Variants in GMDS observed in about 807,000 individuals in gnomAD.
The protein encoded by GMDS is GDP-mannose 4,6 dehydratase.
A neutral mutation model predicts 49.9 loss-of-function variants in GMDS; 20 were observed. The ratio of observed to expected loss-of-function variants is 0.40; its 90% CI spans 0.28 to 0.58. The LOEUF is 0.58. GMDS is among the 20% of genes least tolerant of loss of function. The pLI is 0.42. For synonymous variants in GMDS, 177 were observed against 178.6 expected (o/e 0.99, Z 0.07); for missense variants, 362 against 481.4 (o/e 0.75, Z 2.32).
chr6:1,862,604 A>C (rs926299372), intron 7 of GMDS, among the ~76,000 whole-genome samples: 1 of 152,376 alleles, frequency 6.6e-6, no homozygotes, highest in East Asian at 1.9e-4. Flanking sequence ...AACTTGCTGG[A>C]GCTTGTACTG....
At chr6:2,224,169 T>C (rs1780720063) in intron 1 of GMDS, among the ~76,000 whole-genome samples, 1 of 152,144 alleles carries the variant, frequency 6.6e-6, no homozygotes, top group South Asian at 2.1e-4. Context: ...TATAATGAGT[T>C]GAACAGTCCT....
chr6:2,236,317 G>A (rs558371563), intron 1 of GMDS, among the ~76,000 whole-genome samples: 1 of 152,328 alleles, frequency 6.6e-6, no homozygotes, highest in South Asian at 2.1e-4. Context: ...GCTGACCCAG[G>A]AGTGCTGTGT....
At chr6:1,653,272 T>C (rs138518829) in intron 9 of GMDS, among the ~76,000 whole-genome samples, 127 of 152,334 alleles carry the variant, frequency 8.3e-4, no homozygotes, top group African/African-American at 2.9e-3. Context: ...TCACTTATAA[T>C]AGGCCTTCAA....
At chr6:2,110,608 G>A (rs1774493608) in intron 4 of GMDS, among the ~76,000 whole-genome samples, 1 of 152,014 alleles carries the variant, frequency 6.6e-6, no homozygotes, top group Non-Finnish European at 1.5e-5. Context: ...CAACCCCCTG[G>A]GGCTTCCACA....
At chr6:1,923,927 G>A (rs959929527) in intron 7 of GMDS, among the ~76,000 whole-genome samples, 5 of 152,180 alleles carry the variant, frequency 3.3e-5, no homozygotes, top group Non-Finnish European at 7.3e-5. Flanking sequence ...CCTTCCAGAG[G>A]CTCCTCACCT....
intron 9 of GMDS, among the ~76,000 whole-genome samples, chr6:1,657,312 C>T (rs895077659): frequency 1.3e-5 from 2 of 152,170 alleles, no homozygotes; most frequent in Admixed American, 6.5e-5. Flanking sequence ...GCAAGGTGGA[C>T]AGCACCCATC....
intron 7 of GMDS, among the ~76,000 whole-genome samples, chr6:1,926,329 A>G (rs2113916537): frequency 6.6e-6 from 1 of 152,286 alleles, no homozygotes; most frequent in Non-Finnish European, 1.5e-5. Flanking sequence ...TCAGCTGTAA[A>G]CATTCACCCC....
At chr6:2,079,960 A>T (rs944620636) in intron 4 of GMDS, among the ~76,000 whole-genome samples, 2 of 152,116 alleles carry the variant, frequency 1.3e-5, no homozygotes, top group African/African-American at 4.8e-5. Context: ...TGGTGGCTTT[A>T]TAGTATCCCA....
intron 6 of GMDS, among the ~76,000 whole-genome samples, chr6:1,933,544 T>C (rs937664133): frequency 5.3e-5 from 8 of 152,226 alleles, no homozygotes; most frequent in Non-Finnish European, 1.0e-4. Flanking sequence ...TATGGTCTGT[T>C]AAACTGTAGT....
At chr6:2,208,751 A>G (rs1293742809) in intron 1 of GMDS, among the ~76,000 whole-genome samples, 2 of 152,212 alleles carry the variant, frequency 1.3e-5, no homozygotes, top group African/African-American at 4.8e-5. Context: ...TTGAGAAGCC[A>G]TAATTTTAGA....
At chr6:2,090,575 T>G (rs1413068874) in intron 4 of GMDS, among the ~76,000 whole-genome samples, 1 of 152,304 alleles carries the variant, frequency 6.6e-6, no homozygotes, top group Middle Eastern at 3.4e-3. Context: ...TAAAACGACC[T>G]GTTTAAAATT....
At chr6:2,125,049 C>T (rs1016210345) in intron 1 of GMDS, among the ~76,000 whole-genome samples, 1 of 152,162 alleles carries the variant, frequency 6.6e-6, no homozygotes, top group Non-Finnish European at 1.5e-5. Context: ...TGCCACTTAC[C>T]AGTTGTGTGA....
rs1242908971 is a variant in GMDS, at chr6:1,836,219, C to T, written c.772-93633G>A. 6.6e-6 allele frequency among the ~76,000 whole-genome samples: 1 copy of T among 152,090 alleles called. No individual in the cohort carries two copies. Among genetic ancestry groups the T allele is most frequent in the African/African-American group, 2.4e-5 (1 of 41,414 alleles). Reference sequence around the variant, plus strand: ...TTTGATTCACTAGTATCTTGTCATGCCTGATAGTCTCTTTTAAAGTCTCTT... The same window carrying T: ...TTTGATTCACTAGTATCTTGTCATGTCTGATAGTCTCTTTTAAAGTCTCTT... On this transcript the variant is annotated intron_variant, in intron 7 of 10. Transcript: ENST00000380815. This position sits in a 1 kb window ranked among gnomAD's most constrained non-coding sequence, Gnocchi z 4.2.
rs1370521207 is a variant in GMDS, at chr6:1,737,847, G to A, written c.890+4621C>T. Among the ~76,000 whole-genome samples, 9 of 77,534 alleles carry A rather than the reference G, an allele frequency of 1.2e-4. No individual in the cohort carries two copies. In the South Asian group the frequency reaches 2.7e-3, roughly 23 times the overall value. The allele number at this position is 77,534 out of a possible 152,430, so 50.9% of individuals were successfully genotyped here. ...AAAGACACACCACACACACAGATACGCGCACAGATATGCACACATACACAC... is the reference window on the plus strand; with the variant it reads ...AAAGACACACCACACACACAGATACACGCACAGATATGCACACATACACAC... On this transcript the variant is annotated intron_variant, in intron 8 of 10. Transcript: ENST00000380815.
chr6:1,790,463 T>C (rs1287252479), intron 7 of GMDS, among the ~76,000 whole-genome samples: 1 of 152,172 alleles, frequency 6.6e-6, no homozygotes, highest in Non-Finnish European at 1.5e-5. Context: ...GAAGTTGGCT[T>C]TTAAAACTCT....
At chr6:1,867,646 A>G (rs946861861) in intron 7 of GMDS, among the ~76,000 whole-genome samples, 1 of 152,242 alleles carries the variant, frequency 6.6e-6, no homozygotes, top group African/African-American at 2.4e-5. Context: ...TCTAGAAACA[A>G]GTGGATAAAT....
intron 6 of GMDS, among the ~76,000 whole-genome samples, chr6:1,952,524 T>G (rs1429843217): frequency 6.6e-6 from 1 of 152,090 alleles, no homozygotes; most frequent in Non-Finnish European, 1.5e-5. Context: ...AAAAAAGTTC[T>G]TCGTGACTCA....
intron 7 of GMDS, among the ~76,000 whole-genome samples, chr6:1,834,788 C>T (rs531431752): frequency 4.6e-5 from 7 of 152,284 alleles, no homozygotes; most frequent in South Asian, 2.1e-4. Context: ...TGACATTACT[C>T]GATTTTCTCC....
chr6:1,851,368 T>C (rs1396911211), intron 7 of GMDS, among the ~76,000 whole-genome samples: 1 of 152,206 alleles, frequency 6.6e-6, no homozygotes, highest in Admixed American at 6.5e-5. Context: ...AAATAAGTTT[T>C]AGGTATTTGC....
Sources: allele counts gnomAD v4.1 joint callset (sites outside exome capture counted in the v4.1 genomes callset), GRCh38; gene constraint gnomAD v4.1.1; non-coding constraint Gnocchi (gnomAD v3.1); transcripts MANE v1.5; gene names NCBI Gene and HGNC (gene_info 2026-07-23, HGNC 2026-07-21).